Variants in CEP128 observed in about 807,000 individuals in gnomAD.
CEP128 encodes centrosomal protein 128kDa.
CEP128 carries 132 observed loss-of-function variants against 156.7 expected under a neutral mutation model. That is an observed-to-expected ratio of 0.84 (90% CI 0.73 to 0.97). The LOEUF is 0.97. Among genes scored for constraint, CEP128 ranks in the 50% least tolerant of loss-of-function variants. The pLI is 0.00. For missense variants in CEP128, 1,252 were observed against 1,281.9 expected (o/e 0.98, Z 0.36); for synonymous variants, 469 against 448.9 (o/e 1.04, Z -0.57).
At chr14:80,838,013 G>A (rs1363588599) in intron 11 of CEP128, among the ~76,000 whole-genome samples, 191 bp downstream of exon 11, 1 of 152,182 alleles carries the variant, frequency 6.6e-6, no homozygotes, top group Non-Finnish European at 1.5e-5. Flanking sequence ...TCTGGCTGGT[G>A]TTTGTACTAG....
At chr14:80,816,461 A>G (rs760203844) in intron 13 of CEP128, among the ~76,000 whole-genome samples, 3 of 152,124 alleles carry the variant, frequency 2.0e-5, no homozygotes, top group Non-Finnish European at 4.4e-5. Context: ...CCATACTCCA[A>G]TTCACTCAAA....
intron 9 of CEP128, among the ~76,000 whole-genome samples, chr14:80,842,696 T>C (rs989106539): frequency 6.6e-6 from 1 of 151,850 alleles, no homozygotes; most frequent in South Asian, 2.1e-4. Flanking sequence ...TCAAGCAACT[T>C]AGACTTATAT....
chr14:80,701,808 C>T (rs569645873), intron 19 of CEP128, among the ~76,000 whole-genome samples: 4 of 152,312 alleles, frequency 2.6e-5, no homozygotes, highest in African/African-American at 9.6e-5. Flanking sequence ...AACTACACTC[C>T]TCTTGGCTCA....
chr14:80,552,090 T>C (rs1890233391), intron 21 of CEP128, among the ~76,000 whole-genome samples: 1 of 152,106 alleles, frequency 6.6e-6, no homozygotes. Flanking sequence ...AGGTAAGATG[T>C]CATTTCAAAG....
At chr14:80,568,206 G>A (rs999659680) in intron 20 of CEP128, among the ~76,000 whole-genome samples, 1 of 152,034 alleles carries the variant, frequency 6.6e-6, no homozygotes, top group Non-Finnish European at 1.5e-5. Flanking sequence ...TTCCCCGAAG[G>A]GCACATATCT....
chr14:80,933,139 G>C (rs757538724), intron 2 of CEP128, among the ~76,000 whole-genome samples: 2 of 152,168 alleles, frequency 1.3e-5, no homozygotes, highest in Non-Finnish European at 1.5e-5. Flanking sequence ...CAATCCCCCA[G>C]CTTCACCCTA....
intron 20 of CEP128, among the ~76,000 whole-genome samples, chr14:80,567,399 G>T (rs1297743582): frequency 6.6e-6 from 1 of 152,136 alleles, no homozygotes; most frequent in African/African-American, 2.4e-5. Flanking sequence ...TGTTGGGACA[G>T]ATTTCAGACT....
intron 4 of CEP128, among the ~76,000 whole-genome samples, chr14:80,913,542 C>A (rs556782494): frequency 6.6e-6 from 1 of 152,138 alleles, no homozygotes; most frequent in Non-Finnish European, 1.5e-5. Context: ...GAATTGGAGG[C>A]CATTATCCTA....
chr14:80,618,274 A>T (rs1893313748), intron 19 of CEP128, among the ~76,000 whole-genome samples: 1 of 152,226 alleles, frequency 6.6e-6, no homozygotes, highest in African/African-American at 2.4e-5. Context: ...GTTACAACAA[A>T]CAATCTATTA....
At chr14:80,839,662 C>CG (rs1444766489) in intron 10 of CEP128, among the ~76,000 whole-genome samples, 4 of 151,968 alleles carry the variant, frequency 2.6e-5, no homozygotes, top group Middle Eastern at 3.2e-3. Context: ...GTGCATGGGA[C>CG]CTCTCTGTGC....
At chr14:80,792,094 T>C (rs1901737709) in intron 14 of CEP128, among the ~76,000 whole-genome samples, 1 of 152,152 alleles carries the variant, frequency 6.6e-6, no homozygotes. Context: ...CAGATGAGAA[T>C]CAACATAGGA....
intron 23 of CEP128, among the ~76,000 whole-genome samples, chr14:80,520,348 G>A (rs1394260885): frequency 6.6e-6 from 1 of 152,046 alleles, no homozygotes; most frequent in Non-Finnish European, 1.5e-5. Flanking sequence ...GAACCCAGGA[G>A]GCAGAGGTTG....
rs115368117 is a variant in CEP128 at position 80,823,755 on chromosome 14, G to A, written c.1209+7388C>T. 6.2e-3 allele frequency among the ~76,000 whole-genome samples: 945 copies of A among 152,286 alleles called. 20 individuals carry two copies. Among genetic ancestry groups the A allele is most frequent in the African/African-American group, 0.022 (905 of 41,570 alleles). ...GAGCTCCCCTCACGGCTGCTTTCAC[G>A]GACTGGCACTGAGTGTCTGAGGCTT... On this transcript the variant is annotated intron_variant, in intron 13 of 24. Coordinates refer to ENST00000555265, the MANE Select transcript of CEP128 (RefSeq NM_152446.5).
chr14:80,954,459 T>C (rs1886553357), intron 2 of CEP128, among the ~76,000 whole-genome samples: 1 of 152,192 alleles, frequency 6.6e-6, no homozygotes, highest in South Asian at 2.1e-4. Context: ...ATATTTTAAA[T>C]GTACGGTTTA....
At chr14:80,956,002 G>T (rs1886657387) in intron 2 of CEP128, 2 of 936,108 alleles carry the variant, frequency 2.1e-6, no homozygotes, top group Non-Finnish European at 3.3e-6. Context: ...AGATGTGTGT[G>T]TGTGCTAAAA....
At chr14:80,881,205 C>G (rs1333255253) in intron 8 of CEP128, among the ~76,000 whole-genome samples, 1 of 151,734 alleles carries the variant, frequency 6.6e-6, no homozygotes, top group East Asian at 1.9e-4. Flanking sequence ...TAGAGAAGAT[C>G]CAAATAAATA....
rs750036439 is a variant in CEP128 at position 80,906,085 on chromosome 14, A to C, written c.235-4T>G. 6.3e-7 allele frequency: 1 copy of C among 1,582,838 alleles called. No individual in the cohort carries two copies. Among genetic ancestry groups the C allele is most frequent in the Non-Finnish European group, 8.6e-7 (1 of 1,167,668 alleles). On this transcript the variant is annotated splice_region_variant and splice_polypyrimidine_tract_variant and intron_variant, in intron 4 of 24. Transcript: ENST00000555265. The stretch of plus-strand genomic sequence containing the variant: ...ATTGTTCCAAGCTTTCTTTTAACTA[A>C]TTTAAAGAATATAATGAATGAAGCG...
intron 16 of CEP128, among the ~76,000 whole-genome samples, chr14:80,773,007 A>G (rs887317146): frequency 2.0e-5 from 3 of 152,244 alleles, no homozygotes; most frequent in Non-Finnish European, 4.4e-5. Flanking sequence ...TAACAGAGGA[A>G]GCTCCATGTA....
intron 11 of CEP128, among the ~76,000 whole-genome samples, chr14:80,837,330 T>C (rs780754926): frequency 3.3e-5 from 5 of 152,160 alleles, no homozygotes; most frequent in Non-Finnish European, 7.4e-5. Context: ...ATCCAATGTA[T>C]GTAAGATGGT....
Sources: gnomAD v4.1 joint callset for allele counts (sites outside exome capture counted in the v4.1 genomes callset) on GRCh38, gnomAD v4.1.1 for gene constraint, MANE v1.5 for transcripts, NCBI Gene and HGNC (gene_info 2026-07-23, HGNC 2026-07-21) for gene names.